Variants in HERC1 observed in about 807,000 individuals in gnomAD.
The protein encoded by HERC1 is HECT and RLD domain containing E3 ubiquitin protein ligase family member 1, also known as probable E3 ubiquitin-protein ligase HERC1.
In HERC1, 160 loss-of-function variants were observed where a neutral mutation model predicts 554.3. That is an observed-to-expected ratio of 0.29 (90% CI 0.25 to 0.33). The LOEUF is 0.33. HERC1 is among the 10% of genes least tolerant of loss of function. The pLI is 1.00. For missense variants in HERC1, 4,919 were observed against 5,918.5 expected (o/e 0.83, Z 5.54); for synonymous variants, 2,175 against 2,131.7 (o/e 1.02, Z -0.56).
intron 74 of HERC1, 22 bp downstream of exon 74, chr15:63,622,793 G>A: frequency 6.4e-7 from 1 of 1,550,530 alleles, no homozygotes; most frequent in Non-Finnish European, 8.8e-7. Flanking sequence ...GACATATAAT[G>A]AACACTTGCT....
At position 63,694,357 on chromosome 15, in the gene HERC1, T is replaced by A; in HGVS notation, c.5435A>T (p.Lys1812Ile). ...CTGGAGCAACCTTGTACTGGCCACT[T>A]TCAAAGCTGTGCTAAGCTGGGAAAC... ...TGVSQLSTAL[K>I]VASTRLLQIL... Residue 1812 changes from lysine (K) to isoleucine (I), a missense_variant, in exon 29 of 78, where the codon AAA becomes ATA. Coordinates refer to ENST00000443617, the MANE Select transcript of HERC1 (RefSeq NM_003922.4). This position sits in a 1 kb window ranked among gnomAD's most constrained non-coding sequence, Gnocchi z 4.3. The A allele has an allele frequency of 1.2e-6, 2 of 1,613,918 alleles. No homozygotes were observed. The highest frequency in any genetic ancestry group is 1.7e-6 in the Non-Finnish European group (2 of 1,179,864).
chr15:63,760,754 G>A (rs989119614), intron 3 of HERC1, among the ~76,000 whole-genome samples: 1 of 151,720 alleles, frequency 6.6e-6, no homozygotes, highest in African/African-American at 2.4e-5. Flanking sequence ...CCAATCAAGG[G>A]AATAAAAATA....
chr15:63,699,371 A>G (rs1429393378), intron 25 of HERC1, among the ~76,000 whole-genome samples: 2 of 152,258 alleles, frequency 1.3e-5, no homozygotes, highest in Non-Finnish European at 1.5e-5. Flanking sequence ...CACTTAAGAC[A>G]CTGCTAGTAA....
intron 2 of HERC1, among the ~76,000 whole-genome samples, chr15:63,772,299 C>T (rs932659201): frequency 2.0e-5 from 3 of 152,154 alleles, no homozygotes; most frequent in East Asian, 1.9e-4. Flanking sequence ...GTAAGGTCCT[C>T]GAGGAAGAGG....
intron 25 of HERC1, among the ~76,000 whole-genome samples, chr15:63,704,963 C>G (rs1337605016): frequency 6.6e-6 from 1 of 152,026 alleles, no homozygotes; most frequent in African/African-American, 2.4e-5. Flanking sequence ...TGGTGTCGAT[C>G]TCCTGACCTC....
intron 1 of HERC1, among the ~76,000 whole-genome samples, chr15:63,812,085 G>C (rs990895716): frequency 2.0e-5 from 3 of 152,138 alleles, no homozygotes; most frequent in African/African-American, 2.4e-5. Context: ...AAAATGAGCT[G>C]GCAGAAAAAC....
At chr15:63,802,419 G>C (rs2077024035) in intron 1 of HERC1, among the ~76,000 whole-genome samples, 1 of 152,196 alleles carries the variant, frequency 6.6e-6, no homozygotes, top group Admixed American at 6.5e-5. Context: ...AAACAGACGT[G>C]CCTATTCGGT....
Position 63,638,400 on chromosome 15 carries a change from C to A in HERC1, c.12093+11G>T, listed in dbSNP as rs145974555. The A allele has an allele frequency of 6.0e-3, 9,633 of 1,605,272 alleles. 700 individuals are homozygous for A. In the Admixed American group the frequency reaches 0.13, roughly 22 times the overall value. On this transcript the variant is annotated intron_variant, in intron 63 of 77. Transcript: ENST00000443617. Reference sequence around the variant, plus strand: ...CCATGTTTCTTTTCTATTTTTTATCCTGTTAGTTACCTGTTGGGCCTGTGA... The same window carrying A: ...CCATGTTTCTTTTCTATTTTTTATCATGTTAGTTACCTGTTGGGCCTGTGA...
chr15:63,721,012 C>G (rs2073794891), intron 19 of HERC1, among the ~76,000 whole-genome samples: 1 of 152,084 alleles, frequency 6.6e-6, no homozygotes, highest in South Asian at 2.1e-4. Flanking sequence ...ACCCATACAA[C>G]AAGTTTTTAT....
intron 1 of HERC1, among the ~76,000 whole-genome samples, chr15:63,798,053 C>T (rs547318009): frequency 1.8e-4 from 28 of 152,254 alleles, no homozygotes; most frequent in African/African-American, 6.5e-4. Context: ...TCAAAACACA[C>T]ATGTCCAAGT....
At chr15:63,682,677 T>C (rs62014184) in intron 34 of HERC1, among the ~76,000 whole-genome samples, 25,268 of 152,070 alleles carry the variant, frequency 0.17, 2,311 homozygotes, top group Middle Eastern at 0.22. Context: ...AGCTGAGCTT[T>C]TGCTATTGCT....
At chr15:63,826,798 A>ATATATAT (rs1483588151) in intron 1 of HERC1, among the ~76,000 whole-genome samples, 22 of 48,090 alleles carry the variant, frequency 4.6e-4, no homozygotes, top group African/African-American at 2.0e-3. Context: ...AAAAAAAAAA[A>ATATATAT]AAAAAAAAAA....
At chr15:63,798,116 T>C (rs2076865758) in intron 1 of HERC1, among the ~76,000 whole-genome samples, 1 of 152,192 alleles carries the variant, frequency 6.6e-6, no homozygotes, top group Non-Finnish European at 1.5e-5. Context: ...AGTGTGACAC[T>C]ACCACCTGCT....
At position 63,775,816 on chromosome 15, in the gene HERC1, T is replaced by C. The variant is rs182879560; in HGVS notation, c.-26-167A>G. ...ACTTTGGGAGGCCAAAGTGGGCAGA[T>C]CACTTGAGGCCAGGAGTTCAAGACG... On this transcript the variant is annotated intron_variant, in intron 1 of 77. Transcript: ENST00000443617. The surrounding 1 kb of genome is among the most constrained non-coding windows in gnomAD (Gnocchi z 4.0). 2.6e-3 allele frequency among the ~76,000 whole-genome samples: 399 copies of C among 152,194 alleles called. 2 individuals are homozygous for C. The highest frequency in any genetic ancestry group is 3.4e-3 in the Non-Finnish European group (229 of 67,998).
At chr15:63,826,957 CACTTA>C (rs1306378262) in intron 1 of HERC1, among the ~76,000 whole-genome samples, 1 of 151,070 alleles carries the variant, frequency 6.6e-6, no homozygotes, top group Admixed American at 6.6e-5. Flanking sequence ...ACTACATGTG[CACTTA>C]ACTTTTGAAC....
chr15:63,638,337 C>T (rs1358073893), intron 63 of HERC1, 74 bp downstream of exon 63: 1 of 1,460,496 alleles, frequency 6.8e-7, no homozygotes, highest in African/African-American at 1.4e-5. Context: ...AGCTTTATCC[C>T]ACAATAAGAC....
At chr15:63,665,335 C>T (rs145908223) in intron 42 of HERC1, among the ~76,000 whole-genome samples, 2 of 152,226 alleles carry the variant, frequency 1.3e-5, no homozygotes, top group South Asian at 2.1e-4. Flanking sequence ...AGTTCGAGAC[C>T]GTCCTGGCCA....
In HERC1 at chr15:63,795,475, A is replaced by T. The variant is rs1323586215; in HGVS notation, c.-26-19826T>A. 2.6e-5 allele frequency among the ~76,000 whole-genome samples: 4 copies of T among 152,304 alleles called. 1 individual carries two copies. The South Asian group carries it at 8.3e-4, about 32-fold the overall frequency. ...TTTAATATAAGAAAATTAACATTTA[A>T]TTGGAATTTTAAGTGGCTTGATTTT... is the stretch of plus-strand genomic sequence containing the variant. On this transcript the variant is annotated intron_variant, in intron 1 of 77. Coordinates refer to ENST00000443617, the MANE Select transcript of HERC1 (RefSeq NM_003922.4).
At chr15:63,620,766 T>G (rs2068040801) in intron 74 of HERC1, among the ~76,000 whole-genome samples, 1 of 152,204 alleles carries the variant, frequency 6.6e-6, no homozygotes, top group Admixed American at 6.5e-5. Context: ...CTTTGTCTCT[T>G]TTGATCTTTG....
Sources: allele counts gnomAD v4.1 joint callset (sites outside exome capture counted in the v4.1 genomes callset), GRCh38; gene constraint gnomAD v4.1.1; non-coding constraint Gnocchi (gnomAD v3.1); transcripts MANE v1.5; gene names NCBI Gene and HGNC (gene_info 2026-07-23, HGNC 2026-07-21).